The following PRKDC variants were observed in gnomAD, a reference collection of about 807,000 sequenced individuals.
PRKDC encodes the protein protein kinase, DNA-activated, catalytic subunit.
Under a neutral mutation model 486.9 loss-of-function variants are expected in PRKDC, and 82 were observed. The observed-to-expected ratio is 0.17, with a 90% CI of 0.14 to 0.20. The LOEUF is 0.20. PRKDC is among the 10% of genes least tolerant of loss of function. PRKDC has a pLI of 1.00. For synonymous variants in PRKDC, 1,895 were observed against 1,837.0 expected (o/e 1.03, Z -0.81); for missense variants, 4,504 against 5,038.2 (o/e 0.89, Z 3.21).
chr8:47,800,996 T>C lies in PRKDC; in HGVS notation c.9923-10A>G, dbSNP rs982935315. 1.9e-6 allele frequency: 3 copies of C among 1,611,688 alleles called. No homozygotes were observed. The African/African-American group carries it at 4.0e-5, about 22-fold the overall frequency. On this transcript the variant is annotated splice_polypyrimidine_tract_variant and intron_variant, in intron 70 of 85. Transcript: ENST00000314191. ...GACACGTTGTTCTCATCTGTTGGAT[T>C]AAAAAAACAAAACAAAACAAAATTT... is the stretch of plus-strand genomic sequence containing the variant.
intron 13 of PRKDC, 78 bp downstream of exon 13, chr8:47,935,654 C>T: frequency 7.0e-7 from 1 of 1,429,936 alleles, no homozygotes; most frequent in African/African-American, 1.4e-5. Context: ...AATTTGGTAA[C>T]CAGATTCTCT....
intron 3 of PRKDC, 127 bp downstream of exon 3, chr8:47,957,044 A>C (rs1026838161): frequency 4.9e-6 from 3 of 617,342 alleles, no homozygotes; most frequent in South Asian, 2.6e-5. Flanking sequence ...ATGAAGCAGA[A>C]ATAAGCAAAT....
intron 25 of PRKDC, among the ~76,000 whole-genome samples, chr8:47,907,152 T>G (rs1354091166): frequency 6.6e-6 from 1 of 151,140 alleles, no homozygotes; most frequent in Non-Finnish European, 1.5e-5. Context: ...GCCATTCTCC[T>G]GCCTCAGCCT....
intron 1 of PRKDC, among the ~76,000 whole-genome samples, chr8:47,959,529 A>G (rs777438843): frequency 5.9e-5 from 9 of 151,902 alleles, no homozygotes; most frequent in Non-Finnish European, 1.3e-4. Flanking sequence ...ATACAAAAAA[A>G]TTAGCCGGGC....
Position 47,840,005 on chromosome 8 carries a change from G to A in PRKDC, c.7454+11C>T, listed in dbSNP as rs2088106315. ...AAAGTAACAAAATAAAATAGTCAAT[G>A]TATAGCTTACCTGTAATTATCATGA... On this transcript the variant is annotated intron_variant, in intron 55 of 85. Coordinates refer to ENST00000314191, the MANE Select transcript of PRKDC (RefSeq NM_006904.7). The A allele has an allele frequency of 3.3e-6, 5 of 1,523,354 alleles. No individual in the cohort carries two copies. 94.4% of individuals were successfully genotyped at this position (1,523,354 alleles called of 1,614,324 possible). A position where few individuals can be genotyped will look rare whatever the true frequency, so the allele number is the denominator to read the frequency against.
chr8:47,810,606 T>C (rs1334704468), intron 68 of PRKDC, among the ~76,000 whole-genome samples: 6 of 152,208 alleles, frequency 3.9e-5, no homozygotes, highest in Non-Finnish European at 8.8e-5. Flanking sequence ...AACTCTATGC[T>C]GACCCATATG....
chr8:47,934,060 C>T lies in PRKDC; in HGVS notation c.1528G>A (p.Ala510Thr). 6.2e-7 allele frequency: 1 copy of T among 1,613,628 alleles called. No individual in the cohort carries two copies. The highest frequency in any genetic ancestry group is 8.5e-7 in the Non-Finnish European group (1 of 1,179,654). ...TTGCCAGTTCTGACTTCCCCTGAAG[C>T]ACGGTGGTCTTCAGATTCAGACTCA... ...GPESESEDHR[A>T]SGEVRTGKWK... Residue 510 changes from alanine (A) to threonine (T), a missense_variant, in exon 15 of 86, where the codon GCT becomes ACT. This residue lies in a region of PRKDC where 1,969 missense variants were observed against 2,068.9 expected (regional missense o/e 0.95). Coordinates refer to ENST00000314191, the MANE Select transcript of PRKDC (RefSeq NM_006904.7).
intron 54 of PRKDC, among the ~76,000 whole-genome samples, chr8:47,843,098 G>A (rs1364696664): frequency 1.3e-5 from 2 of 152,284 alleles, no homozygotes; most frequent in Admixed American, 6.5e-5. Context: ...TTGAGAGGTC[G>A]AGGCTGCAGC....
chr8:47,779,918 T>C (rs1405281377), intron 80 of PRKDC, among the ~76,000 whole-genome samples: 2 of 145,178 alleles, frequency 1.4e-5, no homozygotes, highest in African/African-American at 5.0e-5. Flanking sequence ...TTGTCTTTTT[T>C]TTTTTTTTTT....
At chr8:47,841,704 G>C (rs1266636667) in intron 54 of PRKDC, among the ~76,000 whole-genome samples, 1 of 152,238 alleles carries the variant, frequency 6.6e-6, no homozygotes, top group Non-Finnish European at 1.5e-5. Flanking sequence ...TGAGTGCTGG[G>C]TAAGTCCCCT....
intron 29 of PRKDC, 141 bp from the exon 30 acceptor site, chr8:47,897,435 T>C (rs1388143404): frequency 2.4e-6 from 2 of 827,004 alleles, no homozygotes; most frequent in Non-Finnish European, 3.5e-6. Context: ...TTATTTTTAA[T>C]GTATTATAAT....
chr8:47,808,911 C>T (rs922730458), intron 68 of PRKDC, among the ~76,000 whole-genome samples: 4 of 151,852 alleles, frequency 2.6e-5, no homozygotes, highest in African/African-American at 9.7e-5. Context: ...GTGGCGTGAG[C>T]CTGTATTCCC....
At chr8:47,882,479 C>T (rs962752385) in intron 36 of PRKDC, among the ~76,000 whole-genome samples, 1 of 152,134 alleles carries the variant, frequency 6.6e-6, no homozygotes, top group Non-Finnish European at 1.5e-5. Flanking sequence ...CTTCCTATCC[C>T]ACCACCACTG....
intron 48 of PRKDC, 84 bp from the exon 49 acceptor site, chr8:47,857,383 T>C (rs1331658595): frequency 5.0e-6 from 7 of 1,409,804 alleles, no homozygotes; most frequent in Non-Finnish European, 6.7e-6. Flanking sequence ...TTCCATCAGC[T>C]AAAATTTTAT....
intron 7 of PRKDC, among the ~76,000 whole-genome samples, chr8:47,950,386 G>A (rs907874697): frequency 1.3e-5 from 2 of 152,138 alleles, no homozygotes; most frequent in African/African-American, 4.8e-5. Flanking sequence ...AGCACTTTGG[G>A]AGGCCGAGCC....
At chr8:47,806,202 A>C (rs2087212937) in intron 69 of PRKDC, among the ~76,000 whole-genome samples, 1 of 152,100 alleles carries the variant, frequency 6.6e-6, no homozygotes, top group Non-Finnish European at 1.5e-5. Context: ...TGTTGTCATC[A>C]TGTGTGCAGC....
chr8:47,953,363 T>C (rs576203786), intron 7 of PRKDC, among the ~76,000 whole-genome samples: 1 of 152,262 alleles, frequency 6.6e-6, no homozygotes, highest in African/African-American at 2.4e-5. Flanking sequence ...CATACACAAA[T>C]GTGTGCACGT....
chr8:47,806,406 T>C (rs113669105), intron 69 of PRKDC, among the ~76,000 whole-genome samples: 4 of 152,326 alleles, frequency 2.6e-5, no homozygotes, highest in African/African-American at 4.8e-5. Flanking sequence ...CTGCCTCTAA[T>C]TGGATTTTCT....
intron 67 of PRKDC, among the ~76,000 whole-genome samples, chr8:47,818,388 G>A (rs1031549306): frequency 4.0e-5 from 6 of 151,840 alleles, no homozygotes; most frequent in African/African-American, 1.2e-4. Flanking sequence ...GACCATCCTG[G>A]CTAACATGGT....
Sources: gnomAD v4.1 joint callset for allele counts (sites outside exome capture counted in the v4.1 genomes callset) on GRCh38, gnomAD v4.1.1 for gene constraint, gnomAD v4.1.1 regional missense constraint, MANE v1.5 for transcripts, NCBI Gene and HGNC (gene_info 2026-07-23, HGNC 2026-07-21) for gene names.